IMMP2L: variants seen among roughly 807,000 people sequenced by gnomAD.
The protein encoded by IMMP2L is inner mitochondrial membrane peptidase subunit 2.
IMMP2L carries 18 observed loss-of-function variants against 19.3 expected under a neutral mutation model. That is an observed-to-expected ratio of 0.93 (90% CI 0.64 to 1.38). The LOEUF (loss-of-function observed/expected upper bound fraction) is 1.38. IMMP2L is among the 40% of genes most tolerant of loss of function. The pLI, the probability that IMMP2L is intolerant of heterozygous loss-of-function variation, is 0.00. For synonymous variants in IMMP2L, 76 were observed against 73.0 expected (o/e 1.04, Z -0.21); for missense variants, 233 against 218.2 (o/e 1.07, Z -0.43).
chr7:111,018,956 C>A (rs1383049364), intron 3 of IMMP2L, among the ~76,000 whole-genome samples: 2 of 151,586 alleles, frequency 1.3e-5, no homozygotes, highest in Admixed American at 6.6e-5. Context: ...TTAATTAAGA[C>A]AAATTGTCGA....
chr7:110,991,338 A>T (rs1056203396), intron 3 of IMMP2L, among the ~76,000 whole-genome samples: 1 of 152,184 alleles, frequency 6.6e-6, no homozygotes. Flanking sequence ...AACATGTTCA[A>T]CATTGAAAAA....
At chr7:111,170,488 C>T (rs1270878277) in intron 3 of IMMP2L, among the ~76,000 whole-genome samples, 1 of 151,802 alleles carries the variant, frequency 6.6e-6, no homozygotes, top group Non-Finnish European at 1.5e-5. Context: ...GCCCACAATA[C>T]AATAGTTTAG....
At chr7:110,799,448 A>T (rs979563346) in intron 5 of IMMP2L, among the ~76,000 whole-genome samples, 3 of 152,052 alleles carry the variant, frequency 2.0e-5, no homozygotes, top group Non-Finnish European at 2.9e-5. Flanking sequence ...AAATGAATTT[A>T]GATTGTAAAG....
intron 3 of IMMP2L, among the ~76,000 whole-genome samples, chr7:111,259,554 CTT>C (rs1817086043): frequency 6.6e-6 from 1 of 151,986 alleles, no homozygotes; most frequent in Non-Finnish European, 1.5e-5. Context: ...CAGGGGATCT[CTT>C]GAGGCCAGGA....
chr7:111,027,085 G>A (rs1489640551), intron 3 of IMMP2L, among the ~76,000 whole-genome samples: 1 of 152,052 alleles, frequency 6.6e-6, no homozygotes, highest in African/African-American at 2.4e-5. Context: ...GTCTCTAACT[G>A]CTAACTCACC....
At chr7:111,315,492 T>C (rs543881240) in intron 3 of IMMP2L, among the ~76,000 whole-genome samples, 1 of 152,222 alleles carries the variant, frequency 6.6e-6, no homozygotes, top group Admixed American at 6.5e-5. Flanking sequence ...AAAATATTTC[T>C]GATGCTTCTG....
chr7:111,446,010 A>C (rs1390274545), intron 3 of IMMP2L, among the ~76,000 whole-genome samples: 4 of 151,854 alleles, frequency 2.6e-5, no homozygotes, highest in African/African-American at 9.7e-5. Context: ...GGCTTAAGAA[A>C]CGGCGCACCA....
At chr7:111,557,655 C>A (rs1429118407) in intron 1 of IMMP2L, among the ~76,000 whole-genome samples, 1 of 152,086 alleles carries the variant, frequency 6.6e-6, no homozygotes, top group African/African-American at 2.4e-5. Context: ...CTTGTACCTA[C>A]CTCTGTTATA....
At chr7:110,883,997 T>A (rs1031760009) in intron 5 of IMMP2L, among the ~76,000 whole-genome samples, 18 of 152,042 alleles carry the variant, frequency 1.2e-4, no homozygotes, top group African/African-American at 4.3e-4. Context: ...TTAATATTTA[T>A]AATAAATGAA....
At chr7:111,410,884 T>A (rs542356748) in intron 3 of IMMP2L, among the ~76,000 whole-genome samples, 1 of 151,386 alleles carries the variant, frequency 6.6e-6, no homozygotes, top group East Asian at 1.9e-4. Flanking sequence ...AAATAAACAG[T>A]CTTGGTAACA....
intron 3 of IMMP2L, among the ~76,000 whole-genome samples, chr7:111,421,589 G>T (rs13311040): frequency 6.6e-6 from 1 of 151,376 alleles, no homozygotes. Context: ...CTTGTAAATT[G>T]GTTTGAGTAC....
At chr7:110,978,138 G>T (rs538474582) in intron 3 of IMMP2L, among the ~76,000 whole-genome samples, 1 of 151,920 alleles carries the variant, frequency 6.6e-6, no homozygotes. Flanking sequence ...GGCATAACAG[G>T]TATTCAGAAT....
intron 5 of IMMP2L, among the ~76,000 whole-genome samples, chr7:110,733,472 G>A (rs577297445): frequency 1.5e-4 from 22 of 147,002 alleles, no homozygotes; most frequent in African/African-American, 3.8e-4. Context: ...TTTTTTTTTA[G>A]ATAGGTTGCA....
intron 3 of IMMP2L, among the ~76,000 whole-genome samples, chr7:111,398,322 C>T (rs1280998250): frequency 6.6e-6 from 1 of 152,066 alleles, no homozygotes; most frequent in Non-Finnish European, 1.5e-5. Flanking sequence ...AGTAGTTTAA[C>T]ATACACAAGT....
At chr7:110,675,771 C>G (rs532059693) in intron 5 of IMMP2L, among the ~76,000 whole-genome samples, 1 of 152,248 alleles carries the variant, frequency 6.6e-6, no homozygotes, top group East Asian at 1.9e-4. Context: ...AAGAAATTCC[C>G]TAAGCATAGT....
At chr7:111,179,964 G>A (rs1807521290) in intron 3 of IMMP2L, among the ~76,000 whole-genome samples, 1 of 151,778 alleles carries the variant, frequency 6.6e-6, no homozygotes, top group Non-Finnish European at 1.5e-5. Context: ...CCTCTTTCGG[G>A]CTTCACAGAA....
intron 3 of IMMP2L, among the ~76,000 whole-genome samples, chr7:111,467,496 G>T (rs1840789305): frequency 6.6e-6 from 1 of 152,002 alleles, no homozygotes; most frequent in African/African-American, 2.4e-5. Context: ...CATAATACAA[G>T]TCATTTTACA....
intron 2 of IMMP2L, among the ~76,000 whole-genome samples, chr7:111,516,905 G>T (rs923375901): frequency 3.3e-5 from 5 of 152,032 alleles, no homozygotes; most frequent in Admixed American, 6.6e-5. Context: ...GTCAGCACAG[G>T]AGGAAATGTG....
At chr7:111,361,099 A>G (rs1829217438) in intron 3 of IMMP2L, among the ~76,000 whole-genome samples, 1 of 152,080 alleles carries the variant, frequency 6.6e-6, no homozygotes, top group Admixed American at 6.6e-5. Context: ...TCCTGTAACA[A>G]TGCCAGGATT....
Sources: allele counts gnomAD v4.1 joint callset (sites outside exome capture counted in the v4.1 genomes callset), GRCh38; gene constraint gnomAD v4.1.1; transcripts MANE v1.5; gene names NCBI Gene and HGNC (gene_info 2026-07-23, HGNC 2026-07-21).